TSPEAR: variants seen among roughly 807,000 people sequenced by gnomAD.
TSPEAR encodes the protein thrombospondin type laminin G domain and EAR repeats.
Under a neutral mutation model 71.6 loss-of-function variants are expected in TSPEAR, and 69 were observed. The observed-to-expected ratio is 0.96, with a 90% CI of 0.79 to 1.18. The LOEUF (loss-of-function observed/expected upper bound fraction) is 1.18. Among genes scored for constraint, TSPEAR ranks in the 50% most tolerant of loss-of-function variants. TSPEAR has a pLI of 0.00. For missense variants in TSPEAR, 971 were observed against 894.9 expected (o/e 1.09, Z -1.09); for synonymous variants, 402 against 387.2 (o/e 1.04, Z -0.45).
chr21:44,612,052 A>G lies in TSPEAR; in HGVS notation c.83-44047T>C, dbSNP rs1284422656. 1.0e-5 allele frequency: 16 copies of G among 1,576,428 alleles called. No individual in the cohort carries two copies. Among genetic ancestry groups the G allele is most frequent in the Admixed American group, 3.4e-5 (2 of 58,590 alleles). Reference sequence around the variant, plus strand: ...AAACCTCAGCAGCCAGGGCACACAAACCCACACACCTCACACCAGCACTCA... The same window carrying G: ...AAACCTCAGCAGCCAGGGCACACAAGCCCACACACCTCACACCAGCACTCA... On this transcript the variant is annotated intron_variant, in intron 1 of 11. Transcript: ENST00000323084. This position sits in a 1 kb window ranked among gnomAD's most constrained non-coding sequence, Gnocchi z 4.1.
intron 9 of TSPEAR, chr21:44,517,508 T>C (rs1280132301): frequency 6.4e-6 from 2 of 310,320 alleles, no homozygotes; most frequent in Non-Finnish European, 1.3e-5. Flanking sequence ...CATTAGCCAA[T>C]GAGCTGTGAG....
At chr21:44,663,670 T>C (rs1985611931) in intron 1 of TSPEAR, among the ~76,000 whole-genome samples, 1 of 152,048 alleles carries the variant, frequency 6.6e-6, no homozygotes, top group South Asian at 2.1e-4. Flanking sequence ...TAGAAAACTA[T>C]ATACTATTAA....
intron 2 of TSPEAR, among the ~76,000 whole-genome samples, chr21:44,537,477 C>T (rs145269246): frequency 4.5e-4 from 69 of 152,212 alleles, no homozygotes; most frequent in African/African-American, 1.3e-3. Context: ...ATGAATAGAA[C>T]AAAATACAAA....
At chr21:44,636,518 A>T (rs1235785015) in intron 1 of TSPEAR, among the ~76,000 whole-genome samples, 5 of 152,206 alleles carry the variant, frequency 3.3e-5, no homozygotes, top group Non-Finnish European at 7.3e-5. Flanking sequence ...AATTCACATC[A>T]CATTTCAACT....
At chr21:44,605,246 C>T (rs1428220666) in intron 1 of TSPEAR, among the ~76,000 whole-genome samples, 6 of 152,044 alleles carry the variant, frequency 3.9e-5, no homozygotes, top group Admixed American at 2.6e-4. Context: ...AGATATTTAA[C>T]CAAGGAGGTG....
intron 1 of TSPEAR, among the ~76,000 whole-genome samples, chr21:44,650,145 G>A (rs1555941135): frequency 6.6e-6 from 1 of 151,976 alleles, no homozygotes; most frequent in African/African-American, 2.4e-5. Flanking sequence ...GAGCCTGGGA[G>A]GTCAAGGCTG....
chr21:44,574,611 T>C, intron 1 of TSPEAR: 1 of 1,610,504 alleles, frequency 6.2e-7, no homozygotes, highest in Non-Finnish European at 8.5e-7. Flanking sequence ...CAAGCCTGTC[T>C]GCTCTGTGCC....
intron 2 of TSPEAR, chr21:44,558,365 A>G (rs1224658845): frequency 8.1e-6 from 13 of 1,612,716 alleles, no homozygotes; most frequent in East Asian, 4.5e-5. Context: ...TGCAGCAGAC[A>G]GGCTTGCAGC....
At chr21:44,551,752 A>G (rs587744095) in intron 2 of TSPEAR, among the ~76,000 whole-genome samples, 153 of 152,192 alleles carry the variant, frequency 1.0e-3, no homozygotes, top group African/African-American at 3.6e-3. Flanking sequence ...GTCCCCCGGG[A>G]ACACCAGGAG....
At chr21:44,569,321 G>T (rs782441879) in intron 1 of TSPEAR, among the ~76,000 whole-genome samples, 7 of 152,176 alleles carry the variant, frequency 4.6e-5, no homozygotes, top group Non-Finnish European at 1.0e-4. Flanking sequence ...AGCCGTGCAC[G>T]TCCGCAAGTG....
chr21:44,660,114 A>C (rs587665989), intron 1 of TSPEAR, among the ~76,000 whole-genome samples: 2 of 152,218 alleles, frequency 1.3e-5, no homozygotes, highest in African/African-American at 4.8e-5. Flanking sequence ...AGAAGGGTGG[A>C]GGGAGACAAG....
intron 9 of TSPEAR, among the ~76,000 whole-genome samples, chr21:44,514,347 C>T (rs1416474420): frequency 6.6e-6 from 1 of 152,234 alleles, no homozygotes; most frequent in Admixed American, 6.5e-5. Context: ...CTTGCCCTTC[C>T]ATGGCCATGG....
chr21:44,537,139 T>G (rs1221080225), intron 2 of TSPEAR, among the ~76,000 whole-genome samples: 8 of 152,178 alleles, frequency 5.3e-5, no homozygotes, highest in Non-Finnish European at 8.8e-5. Context: ...CAATCAAAAT[T>G]ATAGTAGTTT....
chr21:44,517,968 T>G, intron 9 of TSPEAR: 1 of 415,288 alleles, frequency 2.4e-6, no homozygotes, highest in South Asian at 1.8e-5. Flanking sequence ...TCTAGAACTT[T>G]GGTTAGCCAG....
intron 1 of TSPEAR, among the ~76,000 whole-genome samples, chr21:44,589,114 G>A (rs8134234): frequency 0.017 from 2,579 of 152,152 alleles, 68 homozygotes; most frequent in African/African-American, 0.058. Flanking sequence ...ACTAATCCAT[G>A]TAACCAAACA....
Position 44,612,036 on chromosome 21 carries a change from C to A in TSPEAR, c.83-44031G>T. On this transcript the variant is annotated intron_variant, in intron 1 of 11. Transcript: ENST00000323084. This position sits in a 1 kb window ranked among gnomAD's most constrained non-coding sequence, Gnocchi z 4.1. ...ACCCAGGGAGGGTATAAAACCTCAG[C>A]AGCCAGGGCACACAAACCCACACAC... 1 of 1,519,234 alleles carries A rather than the reference C, an allele frequency of 6.6e-7. No homozygotes were observed. The highest frequency in any genetic ancestry group is 9.0e-7 in the Non-Finnish European group (1 of 1,110,668). 94.1% of individuals were successfully genotyped at this position (1,519,234 alleles called of 1,614,324 possible). A position where few individuals can be genotyped will look rare whatever the true frequency, so the allele number is the denominator to read the frequency against.
intron 1 of TSPEAR, chr21:44,697,180 C>G: frequency 3.7e-6 from 6 of 1,608,554 alleles, no homozygotes; most frequent in Non-Finnish European, 5.1e-6. Flanking sequence ...CCAGCTCAAC[C>G]CCCAGCACGG....
chr21:44,523,376 TAGTCAGTTGGTC>T (rs1555914545), intron 8 of TSPEAR, among the ~76,000 whole-genome samples: 1 of 151,046 alleles, frequency 6.6e-6, no homozygotes, highest in African/African-American at 2.5e-5. Flanking sequence ...GTCAGTAAGG[TAGTCAGTTGGTC>T]AGTCAGTTAG....
At chr21:44,641,949 C>G (rs1209547505) in intron 1 of TSPEAR, among the ~76,000 whole-genome samples, 7 of 152,198 alleles carry the variant, frequency 4.6e-5, no homozygotes, top group Admixed American at 4.6e-4. Context: ...AACACGACCC[C>G]CTCTTTTCAA....
Sources: gnomAD v4.1 joint callset for allele counts (sites outside exome capture counted in the v4.1 genomes callset) on GRCh38, gnomAD v4.1.1 for gene constraint, Gnocchi (gnomAD v3.1) non-coding constraint, MANE v1.5 for transcripts, NCBI Gene and HGNC (gene_info 2026-07-23, HGNC 2026-07-21) for gene names.